Variants in PAPPA observed in about 807,000 individuals in gnomAD.
PAPPA encodes the protein pappalysin-1.
PAPPA carries 60 observed loss-of-function variants against 164.0 expected under a neutral mutation model. That is an observed-to-expected ratio of 0.37 (90% CI 0.30 to 0.45). The LOEUF is 0.45. Ranked by LOEUF, PAPPA falls within the 20% of genes least tolerant of loss-of-function variation. The pLI is 1.00. For missense variants in PAPPA, 1,782 were observed against 2,087.3 expected (o/e 0.85, Z 2.85); for synonymous variants, 875 against 814.1 (o/e 1.07, Z -1.27).
At chr9:116,381,023 C>T (rs912765765) in intron 20 of PAPPA, among the ~76,000 whole-genome samples, 33 of 152,324 alleles carry the variant, frequency 2.2e-4, no homozygotes, top group African/African-American at 7.7e-4. Context: ...CCAACCAGCA[C>T]TTTAATCAGA....
intron 10 of PAPPA, 31 bp downstream of exon 10, chr9:116,302,981 G>A (rs372138560): frequency 4.0e-5 from 64 of 1,598,254 alleles, no homozygotes; most frequent in Non-Finnish European, 5.4e-5. Context: ...GGCATTTCCT[G>A]CAGACATTCA....
intron 1 of PAPPA, among the ~76,000 whole-genome samples, chr9:116,185,114 A>G (rs1211020094): frequency 6.6e-6 from 1 of 152,216 alleles, no homozygotes; most frequent in African/African-American, 2.4e-5. Flanking sequence ...TGGGAAATCT[A>G]GAATAAAGAA....
intron 17 of PAPPA, among the ~76,000 whole-genome samples, chr9:116,354,647 C>G (rs1168745354): frequency 6.6e-6 from 1 of 152,192 alleles, no homozygotes; most frequent in Non-Finnish European, 1.5e-5. Flanking sequence ...TACCCATTCT[C>G]CCACAACAGC....
Position 116,213,476 on chromosome 9 carries a change from C to T in PAPPA, c.1918+1544C>T, listed in dbSNP as rs562127998. 5.3e-5 allele frequency among the ~76,000 whole-genome samples: 8 copies of T among 152,290 alleles called. No homozygotes were observed. The South Asian group carries it at 1.7e-3, about 32-fold the overall frequency. On this transcript the variant is annotated intron_variant, in intron 4 of 21. Coordinates refer to ENST00000328252, the MANE Select transcript of PAPPA (RefSeq NM_002581.5). The stretch of plus-strand genomic sequence containing the variant: ...AGCAGATTCCCACTGGGCTCCCATT[C>T]CCAGCCAAGCTGACATCCCACATCC...
chr9:116,249,037 A>G (rs981120044), intron 7 of PAPPA, among the ~76,000 whole-genome samples: 9 of 152,166 alleles, frequency 5.9e-5, no homozygotes, highest in Non-Finnish European at 1.3e-4. Flanking sequence ...TCTGTGTTTC[A>G]TTCATTCAAC....
rs146594117 is a variant in PAPPA, at chr9:116,253,764, C to G, written c.2733-12093C>G. Among the ~76,000 whole-genome samples, 992 of 152,280 alleles carry G rather than the reference C, an allele frequency of 6.5e-3. 52 individuals are homozygous for G. The highest frequency in any genetic ancestry group is 0.059 in the Admixed American group (902 of 15,288). On this transcript the variant is annotated intron_variant, in intron 7 of 21. Coordinates refer to ENST00000328252, the MANE Select transcript of PAPPA (RefSeq NM_002581.5). ...ATTCTTTTGAGAAGACTAATCACAG[C>G]TCCAACGCCATTCAGTAAAGAAGGA...
chr9:116,187,636 A>G lies in PAPPA; in HGVS notation c.898A>G (p.Met300Val), dbSNP rs769353350. The change falls in exon 2 of 22, where the codon ATG (methionine) becomes GTG (valine). Residue 300 changes from methionine (M) to valine (V), a missense_variant. Met to Val is a conservative substitution (Grantham distance 21). Around this residue, in one of 2 missense-constraint regions of PAPPA, gnomAD observed 458 missense variants for 430.3 expected, o/e 1.06. Transcript: ENST00000328252. This position sits in a 1 kb window ranked among gnomAD's most constrained non-coding sequence, Gnocchi z 4.2. ...CAATGTGAAGCATGCCTGGTCCCCC[A>G]TGAAGGATGGCAGCAGCCCCAAAGT... is the stretch of plus-strand genomic sequence containing the variant. ...WDNVKHAWSP[M>V]KDGSSPKVEF... 6.2e-7 allele frequency: 1 copy of G among 1,614,202 alleles called. No individual in the cohort carries two copies. The highest frequency in any genetic ancestry group is 8.5e-7 in the Non-Finnish European group (1 of 1,180,030).
At chr9:116,172,905 A>G (rs1410634841) in intron 1 of PAPPA, among the ~76,000 whole-genome samples, 1 of 152,224 alleles carries the variant, frequency 6.6e-6, no homozygotes, top group African/African-American at 2.4e-5. Context: ...TACAGAGTCT[A>G]CCATGTATCA....
intron 7 of PAPPA, among the ~76,000 whole-genome samples, chr9:116,257,420 G>T (rs1225400563): frequency 1.3e-5 from 2 of 151,992 alleles, no homozygotes; most frequent in Admixed American, 6.6e-5. Context: ...AAAACAAAAG[G>T]CTGGGCACGG....
intron 9 of PAPPA, among the ~76,000 whole-genome samples, chr9:116,272,143 G>A (rs1384522026): frequency 2.6e-5 from 4 of 152,162 alleles, no homozygotes; most frequent in Non-Finnish European, 5.9e-5. Flanking sequence ...GGTCAGCCCC[G>A]GGCTGGTAAA....
chr9:116,262,055 A>G (rs919909391), intron 7 of PAPPA, among the ~76,000 whole-genome samples: 1 of 152,090 alleles, frequency 6.6e-6, no homozygotes, highest in Non-Finnish European at 1.5e-5. Flanking sequence ...TCTACAAAAT[A>G]TATTTTAAAA....
Position 116,347,160 on chromosome 9 carries a change from C to T in PAPPA, c.3915C>T (p.Thr1305=). 6.2e-7 allele frequency: 1 copy of T among 1,614,062 alleles called. No individual in the cohort carries two copies. Among genetic ancestry groups the T allele is most frequent in the Non-Finnish European group, 8.5e-7 (1 of 1,179,944 alleles). Residue 1305 remains threonine, a synonymous_variant, in exon 15 of 22, where the codon ACC becomes ACT. Coordinates refer to ENST00000328252, the MANE Select transcript of PAPPA (RefSeq NM_002581.5). The surrounding 1 kb of genome is among the most constrained non-coding windows in gnomAD (Gnocchi z 4.5). ...AASFSCPEGT[T]FGSQCSFQCR... ...CCTTCTCCTGCCCTGAGGGCACCACCTTTGGCAGTCAATGTTCCTTCCAGT... is the reference window on the plus strand; with the variant it reads ...CCTTCTCCTGCCCTGAGGGCACCACTTTTGGCAGTCAATGTTCCTTCCAGT...
intron 21 of PAPPA, among the ~76,000 whole-genome samples, chr9:116,388,324 A>ATGGT (rs1245256382): frequency 6.6e-6 from 1 of 152,174 alleles, no homozygotes; most frequent in Non-Finnish European, 1.5e-5. Flanking sequence ...GATTTCCAGA[A>ATGGT]TGGTTGCTCC....
rs769469643 is a variant in PAPPA, at chr9:116,347,037, C to A, written c.3792C>A (p.Ser1264Arg). The change falls in exon 15 of 22, where the codon AGC becomes AGA. Residue 1264 changes from serine (S) to arginine (R), a missense_variant. Ser to Arg is a moderately radical substitution (Grantham distance 110). Coordinates refer to ENST00000328252, the MANE Select transcript of PAPPA (RefSeq NM_002581.5). This position sits in a 1 kb window ranked among gnomAD's most constrained non-coding sequence, Gnocchi z 4.5. ...ACTCTGCCTTTCAGACGGGACCCAG[C>A]GTCACAGTGACCTGTACAGAGGGCA... ...DELIKSQTGP[S>R]VTVTCTEGKW... is the part of the protein sequence containing the mutation. 1.2e-6 allele frequency: 2 copies of A among 1,611,882 alleles called. No homozygotes were observed. Among genetic ancestry groups the A allele is most frequent in the Non-Finnish European group, 1.7e-6 (2 of 1,178,930 alleles).
chr9:116,354,097 T>C (rs1291556533), intron 17 of PAPPA, among the ~76,000 whole-genome samples: 1 of 152,144 alleles, frequency 6.6e-6, no homozygotes, highest in Non-Finnish European at 1.5e-5. Flanking sequence ...TTACCACCCA[T>C]GTTGGTCCTT....
chr9:116,235,329 C>T lies in PAPPA; in HGVS notation c.2424C>T (p.Asp808=). ...TGACCTTTGTCTCCACTGACTGGGACTCTAGTGGAGCTGTCAATGACATCA... is the reference window on the plus strand; with the variant it reads ...TGACCTTTGTCTCCACTGACTGGGATTCTAGTGGAGCTGTCAATGACATCA... ...IWVTFVSTDW[D]SSGAVNDIKL... is the part of the protein sequence containing the mutation. Residue 808 remains aspartate (D), a synonymous_variant, in exon 7 of 22, where the codon GAC becomes GAT. Coordinates refer to ENST00000328252, the MANE Select transcript of PAPPA (RefSeq NM_002581.5). 6.2e-7 allele frequency: 1 copy of T among 1,613,820 alleles called. No homozygotes were observed. Among genetic ancestry groups the T allele is most frequent in the Non-Finnish European group, 8.5e-7 (1 of 1,179,762 alleles).
intron 21 of PAPPA, among the ~76,000 whole-genome samples, chr9:116,395,017 G>C (rs1376557406): frequency 6.6e-6 from 1 of 152,310 alleles, no homozygotes; most frequent in South Asian, 2.1e-4. Context: ...GAGAGAGAAA[G>C]AGACAGAATA....
At chr9:116,201,034 ACT>A (rs1272649904) in intron 2 of PAPPA, among the ~76,000 whole-genome samples, 2 of 152,048 alleles carry the variant, frequency 1.3e-5, no homozygotes, top group Non-Finnish European at 2.9e-5. Flanking sequence ...AATTTAATAA[ACT>A]CTCCCAGCAT....
chr9:116,287,981 C>T (rs900077043), intron 9 of PAPPA, among the ~76,000 whole-genome samples: 2 of 152,170 alleles, frequency 1.3e-5, no homozygotes, highest in Non-Finnish European at 2.9e-5. Flanking sequence ...TGGAACTTTT[C>T]GTGAACATGA....
Sources: gnomAD v4.1 joint callset for allele counts (sites outside exome capture counted in the v4.1 genomes callset) on GRCh38, gnomAD v4.1.1 for gene constraint, gnomAD v4.1.1 regional missense constraint, Gnocchi (gnomAD v3.1) non-coding constraint, MANE v1.5 for transcripts, NCBI Gene and HGNC (gene_info 2026-07-23, HGNC 2026-07-21) for gene names.